The following ACTN1 variants were observed in gnomAD, a reference collection of about 807,000 sequenced individuals.
The protein encoded by ACTN1 is alpha-actinin-1.
Under a neutral mutation model 119.6 loss-of-function variants are expected in ACTN1, and 30 were observed. The ratio of observed to expected loss-of-function variants is 0.25; its 90% CI spans 0.19 to 0.34. The LOEUF (loss-of-function observed/expected upper bound fraction) is 0.34, where lower values mean the gene tolerates loss of function less well. ACTN1 is among the 10% of genes least tolerant of loss of function. The pLI is 1.00. For synonymous variants in ACTN1, 429 were observed against 472.6 expected (o/e 0.91, Z 1.20); for missense variants, 764 against 1,223.4 (o/e 0.62, Z 5.60).
intron 3 of ACTN1, 79 bp downstream of exon 3, chr14:68,920,927 A>G: frequency 6.4e-7 from 1 of 1,571,330 alleles, no homozygotes; most frequent in Non-Finnish European, 8.7e-7. Context: ...TGGGCCCAGG[A>G]GGCAGCACAA....
intron 2 of ACTN1, among the ~76,000 whole-genome samples, chr14:68,924,444 C>G (rs560819561): frequency 5.3e-4 from 80 of 152,182 alleles, no homozygotes; most frequent in Admixed American, 7.2e-4. Flanking sequence ...GGCAGAGGAT[C>G]GAAGGTCTGA....
In ACTN1 at chr14:68,963,903, T is replaced by G. The variant is rs142674248; in HGVS notation, c.105+15049A>C. Among the ~76,000 whole-genome samples the G allele has an allele frequency of 1.6e-3, 245 of 152,326 alleles. 4 individuals carry two copies. Among genetic ancestry groups the G allele is most frequent in the African/African-American group, 5.6e-3 (232 of 41,582 alleles). Reference sequence around the variant, plus strand: ...CTATACTATTCTCTCTACTCCTGTGTGTGAATTTTCCATAAGTTTTAAAAA... The same window carrying G: ...CTATACTATTCTCTCTACTCCTGTGGGTGAATTTTCCATAAGTTTTAAAAA... On this transcript the variant is annotated intron_variant, in intron 1 of 21. Coordinates refer to ENST00000394419, the MANE Select transcript of ACTN1 (RefSeq NM_001130004.2).
In ACTN1 at chr14:68,909,791, G is replaced by T. The variant is rs1270140478; in HGVS notation, c.515+164C>A. ...AAGACACTGCAGGGAGAGAGACGGG[G>T]GGATTCAGAGCGATGGCGACATCCC... On this transcript the variant is annotated intron_variant, in intron 5 of 21. Transcript: ENST00000394419. The surrounding 1 kb of genome is among the most constrained non-coding windows in gnomAD (Gnocchi z 4.1). Among the ~76,000 whole-genome samples the T allele has an allele frequency of 6.6e-6, 1 of 152,144 alleles. No homozygotes were observed. The highest frequency in any genetic ancestry group is 2.4e-5 in the African/African-American group (1 of 41,420).
chr14:68,906,119 T>C (rs575562343), intron 6 of ACTN1, among the ~76,000 whole-genome samples: 2 of 152,232 alleles, frequency 1.3e-5, no homozygotes, highest in South Asian at 2.1e-4. Context: ...GTACAGACTT[T>C]CAGTTTTGCA....
At chr14:68,922,562 G>GTCCCA (rs2034707000) in intron 2 of ACTN1, among the ~76,000 whole-genome samples, 1 of 152,206 alleles carries the variant, frequency 6.6e-6, no homozygotes, top group Admixed American at 6.5e-5. Context: ...CAGCCCTTGG[G>GTCCCA]GCCTGTCCAG....
chr14:68,901,207 GTT>G lies in ACTN1; in HGVS notation c.762+1268_762+1269del, dbSNP rs60666140. ...TCATGCATTTTTTTTTTGTTTTATG[GTT>G]TTTTTTTGTTTTTTTTTTGTTTTGT... On this transcript the variant is annotated intron_variant, in intron 8 of 21. Coordinates refer to ENST00000394419, the MANE Select transcript of ACTN1 (RefSeq NM_001130004.2). 7.9e-3 allele frequency among the ~76,000 whole-genome samples: 1,082 copies of G among 136,172 alleles called. 8 individuals are homozygous for G. The highest frequency in any genetic ancestry group is 0.011 in the Non-Finnish European group (713 of 63,440). The allele number at this position is 136,172 out of a possible 152,430, so 89.3% of individuals were successfully genotyped here.
rs778429716 is a variant in ACTN1, at chr14:68,879,988, G to A, written c.2254C>T (p.Arg752Trp). ...CGGTCAAAGTGGTTGAAGGAGGCCCGGAACTCATTCATCTGCTCCTGGCTG... is the reference window on the plus strand; with the variant it reads ...CGGTCAAAGTGGTTGAAGGAGGCCCAGAACTCATTCATCTGCTCCTGGCTG... ...GISQEQMNEFRASFNHFDRDH... is the reference protein window; with the variant it reads ...GISQEQMNEFWASFNHFDRDH... The change falls in exon 18 of 22, where the codon CGG becomes TGG. Residue 752 changes from arginine to tryptophan, a missense_variant. Arg to Trp is a moderately radical substitution (Grantham distance 101, BLOSUM62 -3). Around this residue, in one of 4 missense-constraint regions of ACTN1, gnomAD observed 544 missense variants for 912.0 expected, o/e 0.60. Transcript: ENST00000394419. The surrounding 1 kb of genome is among the most constrained non-coding windows in gnomAD (Gnocchi z 4.9). 19 of 1,614,052 alleles carry A rather than the reference G, an allele frequency of 1.2e-5. No individual in the cohort carries two copies. The highest frequency in any genetic ancestry group is 2.7e-5 in the African/African-American group (2 of 74,948).
chr14:68,906,988 G>T (rs889509529), intron 6 of ACTN1, among the ~76,000 whole-genome samples: 1 of 151,812 alleles, frequency 6.6e-6, no homozygotes, highest in African/African-American at 2.4e-5. Flanking sequence ...AAAACAGAAG[G>T]GGGGCTGGGC....
chr14:68,901,754 A>G lies in ACTN1; in HGVS notation c.762+723T>C, dbSNP rs181610136. Among the ~76,000 whole-genome samples the G allele has an allele frequency of 3.3e-4, 51 of 152,334 alleles. No homozygotes were observed. The East Asian group carries it at 8.5e-3, about 25-fold the overall frequency. On this transcript the variant is annotated intron_variant, in intron 8 of 21. Transcript: ENST00000394419. ...GTCCACAGCATGGACAGTGCCCTTT[A>G]GTCGTGGAACCCCTGTGTGGTGCAG... is the stretch of plus-strand genomic sequence containing the variant.
intron 3 of ACTN1, 59 bp downstream of exon 3, chr14:68,920,947 A>G (rs2034611169): frequency 2.5e-6 from 4 of 1,597,198 alleles, no homozygotes; most frequent in Non-Finnish European, 3.4e-6. Flanking sequence ...AAAAAGGCCA[A>G]GAGAACCAGG....
In ACTN1 at chr14:68,878,024, G is replaced by C. The variant is rs2031090886; in HGVS notation, c.2427+434C>G. The C allele has an allele frequency of 5.8e-6, 1 of 172,754 alleles. No individual in the cohort carries two copies. The highest frequency in any genetic ancestry group is 1.4e-4 in the South Asian group (1 of 6,904). 10.7% of individuals were successfully genotyped at this position (172,754 alleles called of 1,614,324 possible). On this transcript the variant is annotated intron_variant, in intron 20 of 21. Coordinates refer to ENST00000394419, the MANE Select transcript of ACTN1 (RefSeq NM_001130004.2). The surrounding 1 kb of genome is among the most constrained non-coding windows in gnomAD (Gnocchi z 4.4). ...GACAGACTAGGAAGGTTGGGGGGTG[G>C]GGGACGGCCTGGGACAATCCAGAGG...
intron 1 of ACTN1, among the ~76,000 whole-genome samples, chr14:68,933,349 T>C (rs1252989133): frequency 6.6e-6 from 1 of 152,102 alleles, no homozygotes; most frequent in Non-Finnish European, 1.5e-5. Context: ...TTGGCCAGGC[T>C]GGTCTCAAAC....
At position 68,874,938 on chromosome 14, in the gene ACTN1, T is replaced by C; in HGVS notation, c.2666A>G (p.Tyr889Cys). ...ACCTGGCACGGAGTCGGGGCCGGTG[T>C]AGGGGGCCATCCGCGCGATGCAGTA... ...AEYCIARMAP[Y>C]TGPDSVPGAL... is the part of the protein sequence containing the mutation. The change falls in exon 22 of 22, where the codon TAC becomes TGC. Residue 889 changes from tyrosine (Y) to cysteine (C), a missense_variant. Around this residue, in one of 4 missense-constraint regions of ACTN1, gnomAD observed 102 missense variants for 78.2 expected, o/e 1.30. Coordinates refer to ENST00000394419, the MANE Select transcript of ACTN1 (RefSeq NM_001130004.2). 6.2e-7 allele frequency: 1 copy of C among 1,613,118 alleles called. No individual in the cohort carries two copies. Among genetic ancestry groups the C allele is most frequent in the Non-Finnish European group, 8.5e-7 (1 of 1,179,468 alleles).
chr14:68,898,236 A>G (rs3784133), intron 8 of ACTN1, among the ~76,000 whole-genome samples: 2,230 of 152,344 alleles, frequency 0.015, 85 homozygotes, highest in Admixed American at 0.073. Flanking sequence ...CACAAGCTAC[A>G]TAAACAAAAT....
intron 1 of ACTN1, among the ~76,000 whole-genome samples, chr14:68,928,529 G>A (rs1566647154): frequency 2.6e-5 from 4 of 152,078 alleles, no homozygotes; most frequent in Non-Finnish European, 4.4e-5. Flanking sequence ...CATCAGAGCT[G>A]GATTCAGTTC....
chr14:68,877,551 TA>T, intron 20 of ACTN1: 1 of 309,894 alleles, frequency 3.2e-6, no homozygotes, highest in East Asian at 6.8e-5. Context: ...AGTATTAATC[TA>T]AAAGCTTTAT....
intron 1 of ACTN1, among the ~76,000 whole-genome samples, chr14:68,937,264 T>A (rs905903711): frequency 6.6e-6 from 1 of 152,104 alleles, no homozygotes; most frequent in Non-Finnish European, 1.5e-5. Context: ...AAAGTCTGTC[T>A]GGGAATATAT....
intron 1 of ACTN1, among the ~76,000 whole-genome samples, chr14:68,939,525 T>G (rs1217416530): frequency 2.0e-5 from 3 of 152,238 alleles, no homozygotes; most frequent in African/African-American, 4.8e-5. Context: ...TGCAAAGGGC[T>G]CAGTCTGCTA....
Position 68,946,055 on chromosome 14 carries a change from G to A in ACTN1, c.106-20383C>T, listed in dbSNP as rs552550428. On this transcript the variant is annotated intron_variant, in intron 1 of 21. Transcript: ENST00000394419. Reference sequence around the variant, plus strand: ...AGCCAGAATTCCACCCGCGGTGGCAGTCACACACTTTCAACCACAGGCTCA... The same window carrying A: ...AGCCAGAATTCCACCCGCGGTGGCAATCACACACTTTCAACCACAGGCTCA... 1.6e-4 allele frequency among the ~76,000 whole-genome samples: 25 copies of A among 152,284 alleles called. No individual in the cohort carries two copies. The South Asian group carries it at 5.2e-3, about 32-fold the overall frequency.
Sources: gnomAD v4.1 joint callset for allele counts (sites outside exome capture counted in the v4.1 genomes callset) on GRCh38, gnomAD v4.1.1 for gene constraint, gnomAD v4.1.1 regional missense constraint, Gnocchi (gnomAD v3.1) non-coding constraint, MANE v1.5 for transcripts, NCBI Gene and HGNC (gene_info 2026-07-23, HGNC 2026-07-21) for gene names.